Variants in OPCML observed in about 807,000 individuals in gnomAD.
OPCML encodes the protein opioid-binding protein/cell adhesion molecule.
In OPCML, 13 loss-of-function variants were observed where a neutral mutation model predicts 37.8. The ratio of observed to expected loss-of-function variants is 0.34; its 90% CI spans 0.22 to 0.55. OPCML has a LOEUF of 0.55. Among genes scored for constraint, OPCML ranks in the 20% least tolerant of loss-of-function variants. OPCML has a pLI of 0.91. For missense variants in OPCML, 341 were observed against 435.6 expected (o/e 0.78, Z 1.93); for synonymous variants, 176 against 168.8 (o/e 1.04, Z -0.33).
intron 1 of OPCML, among the ~76,000 whole-genome samples, chr11:133,364,165 T>C (rs1592236401): frequency 2.0e-5 from 3 of 152,312 alleles, no homozygotes; most frequent in Admixed American, 6.5e-5. Context: ...CAGTCCTTTG[T>C]AAAGAGCAAG....
chr11:133,218,026 A>G (rs1939657240), intron 1 of OPCML, among the ~76,000 whole-genome samples: 1 of 143,952 alleles, frequency 6.9e-6, no homozygotes, highest in Non-Finnish European at 1.5e-5. Flanking sequence ...AGCCTGAACA[A>G]CAGAGACATA....
intron 1 of OPCML, chr11:133,299,105 C>T (rs1481723850): frequency 6.6e-6 from 1 of 152,142 alleles, no homozygotes; most frequent in Non-Finnish European, 1.5e-5. Flanking sequence ...CACCTAATCC[C>T]CTCATAAATG....
chr11:132,940,401 A>G (rs746209036), intron 2 of OPCML, among the ~76,000 whole-genome samples: 3 of 152,208 alleles, frequency 2.0e-5, no homozygotes, highest in Non-Finnish European at 4.4e-5. Context: ...TTTTGGTGCA[A>G]TCTAAACATG....
chr11:133,164,189 C>G (rs1447296234), intron 1 of OPCML, among the ~76,000 whole-genome samples: 1 of 152,194 alleles, frequency 6.6e-6, no homozygotes, highest in Non-Finnish European at 1.5e-5. Context: ...TTCCCCTTGC[C>G]TGCAGCTTCT....
intron 2 of OPCML, among the ~76,000 whole-genome samples, chr11:132,918,801 A>G (rs1944692748): frequency 6.6e-6 from 1 of 151,952 alleles, no homozygotes; most frequent in African/African-American, 2.4e-5. Flanking sequence ...AGGGTTGAAA[A>G]AAAACATTGT....
intron 1 of OPCML, among the ~76,000 whole-genome samples, chr11:132,958,795 A>G (rs1220188019): frequency 6.8e-6 from 1 of 147,914 alleles, no homozygotes; most frequent in Non-Finnish European, 1.5e-5. Flanking sequence ...TAAGCTCACT[A>G]TTAAGACCTA....
chr11:132,651,057 C>T (rs1448587064), intron 3 of OPCML, among the ~76,000 whole-genome samples: 1 of 152,202 alleles, frequency 6.6e-6, no homozygotes, highest in Non-Finnish European at 1.5e-5. Context: ...GCTGCAACCG[C>T]TCCTTGGTGC....
chr11:133,303,302 C>T (rs1306780050), intron 1 of OPCML, among the ~76,000 whole-genome samples: 1 of 152,078 alleles, frequency 6.6e-6, no homozygotes, highest in East Asian at 1.9e-4. Context: ...AGTATTTAAG[C>T]ATGTAGATCC....
chr11:132,675,822 C>A (rs1942676396), intron 2 of OPCML, among the ~76,000 whole-genome samples: 1 of 152,100 alleles, frequency 6.6e-6, no homozygotes, highest in East Asian at 1.9e-4. Context: ...ATGGCCAACG[C>A]CCATGAATTG....
chr11:133,124,161 TC>T (rs1298758466), intron 1 of OPCML, among the ~76,000 whole-genome samples: 1 of 117,536 alleles, frequency 8.5e-6, no homozygotes, highest in Non-Finnish European at 1.7e-5. Context: ...AGCCATACCC[TC>T]AGGAAATTTA....
intron 1 of OPCML, among the ~76,000 whole-genome samples, chr11:133,310,864 T>C (rs1356933733): frequency 6.6e-6 from 1 of 152,242 alleles, no homozygotes; most frequent in Non-Finnish European, 1.5e-5. Context: ...CTGCGTGCTA[T>C]GCAAATATTC....
intron 1 of OPCML, among the ~76,000 whole-genome samples, chr11:133,095,106 G>T (rs1356345908): frequency 2.6e-5 from 4 of 151,706 alleles, no homozygotes; most frequent in African/African-American, 9.7e-5. Flanking sequence ...GTTCAACATT[G>T]GCATATTAAT....
intron 3 of OPCML, among the ~76,000 whole-genome samples, chr11:132,575,459 A>G (rs947838073): frequency 6.6e-6 from 1 of 152,072 alleles, no homozygotes; most frequent in Non-Finnish European, 1.5e-5. Flanking sequence ...TACACAAGAC[A>G]TAGACATAAG....
intron 1 of OPCML, among the ~76,000 whole-genome samples, chr11:133,468,673 G>A (rs12421869): frequency 0.29 from 43,520 of 152,110 alleles, 7,809 homozygotes; most frequent in African/African-American, 0.51. Context: ...TGGCCCCAAG[G>A]GACAATAGGT....
chr11:132,623,241 G>A (rs906646945), intron 3 of OPCML, among the ~76,000 whole-genome samples: 4 of 152,062 alleles, frequency 2.6e-5, no homozygotes, highest in African/African-American at 7.2e-5. Flanking sequence ...ATTAAGAAGT[G>A]TGACTACCTA....
At chr11:133,187,745 A>T (rs1429494932) in intron 1 of OPCML, among the ~76,000 whole-genome samples, 1 of 152,230 alleles carries the variant, frequency 6.6e-6, no homozygotes, top group Non-Finnish European at 1.5e-5. Flanking sequence ...TAGGTATCAT[A>T]CGCATATATT....
chr11:132,555,919 C>T lies in OPCML; in HGVS notation c.380-26733G>A, dbSNP rs983600045. 3.3e-5 allele frequency among the ~76,000 whole-genome samples: 5 copies of T among 151,916 alleles called. No homozygotes were observed. The East Asian group carries it at 5.9e-4, about 18-fold the overall frequency. On this transcript the variant is annotated intron_variant, in intron 3 of 7. Coordinates refer to ENST00000524381, the MANE Select transcript of OPCML (RefSeq NM_001012393.5). ...AGAACTTCAAAGGATTATATCAAAACGTTTCTTGTTTCAATAAAAATTTTG... is the reference window on the plus strand; with the variant it reads ...AGAACTTCAAAGGATTATATCAAAATGTTTCTTGTTTCAATAAAAATTTTG...
At chr11:132,589,114 A>G (rs2096479676) in intron 3 of OPCML, among the ~76,000 whole-genome samples, 1 of 152,142 alleles carries the variant, frequency 6.6e-6, no homozygotes, top group Non-Finnish European at 1.5e-5. Flanking sequence ...AGTTATGAAA[A>G]TTTGGTACAA....
intron 3 of OPCML, among the ~76,000 whole-genome samples, chr11:132,601,475 C>T (rs768031675): frequency 2.6e-5 from 4 of 152,156 alleles, no homozygotes; most frequent in African/African-American, 4.8e-5. Flanking sequence ...TTAGAAAGCA[C>T]GAATATTATA....
Sources: gnomAD v4.1 joint callset for allele counts (sites outside exome capture counted in the v4.1 genomes callset) on GRCh38, gnomAD v4.1.1 for gene constraint, MANE v1.5 for transcripts, NCBI Gene and HGNC (gene_info 2026-07-23, HGNC 2026-07-21) for gene names.